Variants in NAV2 observed in about 807,000 individuals in gnomAD.
NAV2 encodes the protein helicase, APC down-regulated 1.
NAV2 carries 54 observed loss-of-function variants against 223.2 expected under a neutral mutation model. That is an observed-to-expected ratio of 0.24 (90% CI 0.19 to 0.30). The LOEUF is 0.30. NAV2 is among the 10% of genes least tolerant of loss of function. The pLI, the probability that NAV2 is intolerant of heterozygous loss-of-function variation, is 1.00. For synonymous variants in NAV2, 1,279 were observed against 1,239.3 expected (o/e 1.03, Z -0.67); for missense variants, 2,806 against 3,147.5 (o/e 0.89, Z 2.60).
chr11:19,509,337 A>G (rs1311118397), intron 1 of NAV2, among the ~76,000 whole-genome samples: 1 of 152,128 alleles, frequency 6.6e-6, no homozygotes, highest in Admixed American at 6.5e-5. Context: ...CTTGGACAGG[A>G]ACTACGTCAT....
At position 20,043,962 on chromosome 11, in the gene NAV2, A is replaced by G; in HGVS notation, c.2908-19A>G. 2 of 1,604,812 alleles carry G rather than the reference A, an allele frequency of 1.2e-6. No homozygotes were observed. The highest frequency in any genetic ancestry group is 1.1e-5 in the South Asian group (1 of 90,882). ...CCTGGGACTGGGGAAGGACTAATTC[A>G]GAGAGTCTCTGTCCACAGACTGATG... On this transcript the variant is annotated intron_variant, in intron 12 of 37. Transcript: ENST00000349880.
chr11:20,103,192 C>A (rs113400765), intron 32 of NAV2, 63 bp from the exon 33 acceptor site: 1 of 1,517,424 alleles, frequency 6.6e-7, no homozygotes, highest in Non-Finnish European at 9.0e-7. Flanking sequence ...AGGCCCTGAG[C>A]GGTGTGTCTT....
chr11:20,074,703 C>CT (rs1277568450), intron 22 of NAV2, among the ~76,000 whole-genome samples: 1 of 142,494 alleles, frequency 7.0e-6, no homozygotes, highest in Non-Finnish European at 1.5e-5. Flanking sequence ...TTCTTTGTAT[C>CT]TTTTTATCTT....
chr11:20,091,933 T>C (rs1472371132), intron 27 of NAV2, among the ~76,000 whole-genome samples: 1 of 152,140 alleles, frequency 6.6e-6, no homozygotes, highest in African/African-American at 2.4e-5. Flanking sequence ...ATCATAAGAC[T>C]CTTTTTCACT....
At chr11:19,625,409 G>T (rs1173515888) in intron 1 of NAV2, among the ~76,000 whole-genome samples, 1 of 152,168 alleles carries the variant, frequency 6.6e-6, no homozygotes, top group Non-Finnish European at 1.5e-5. Flanking sequence ...TGGCTGAATA[G>T]TATTCCATGT....
At chr11:19,492,003 G>A (rs2042645578) in intron 1 of NAV2, among the ~76,000 whole-genome samples, 1 of 151,848 alleles carries the variant, frequency 6.6e-6, no homozygotes, top group Admixed American at 6.6e-5. Flanking sequence ...GATGGGGAAA[G>A]AGCCATTCAA....
rs570450065 is a variant in NAV2, at chr11:19,876,545, G to A, written c.512-3324G>A. Among the ~76,000 whole-genome samples, 8 of 152,210 alleles carry A rather than the reference G, an allele frequency of 5.3e-5. No homozygotes were observed. In the South Asian group the frequency reaches 1.5e-3, roughly 28 times the overall value. ...GTTATAAAAATGCTGCCTCCTAAGA[G>A]GAAATATATTTATTGGAGGAGCACT... On this transcript the variant is annotated intron_variant, in intron 4 of 37. Transcript: ENST00000349880.
chr11:19,868,810 G>A (rs1479763876), intron 3 of NAV2, 115 bp from the exon 4 acceptor site: 2 of 897,194 alleles, frequency 2.2e-6, no homozygotes, highest in Non-Finnish European at 3.5e-6. Context: ...TCCTATCTTG[G>A]CGTTCGTTCA....
At chr11:19,811,874 G>A (rs1432741468) in intron 1 of NAV2, among the ~76,000 whole-genome samples, 2 of 152,152 alleles carry the variant, frequency 1.3e-5, no homozygotes, top group African/African-American at 2.4e-5. Flanking sequence ...TATGTGCTAT[G>A]CCCTGGTCTA....
intron 1 of NAV2, among the ~76,000 whole-genome samples, chr11:19,635,550 G>T (rs1469879331): frequency 6.6e-6 from 1 of 152,174 alleles, no homozygotes; most frequent in East Asian, 1.9e-4. Context: ...TCTGGTAAGG[G>T]TTTCATACTG....
chr11:19,726,359 C>T (rs967368967), intron 1 of NAV2, among the ~76,000 whole-genome samples: 3 of 152,200 alleles, frequency 2.0e-5, no homozygotes, highest in Non-Finnish European at 4.4e-5. Context: ...TTCCTATTGA[C>T]TCTGGAACCT....
intron 1 of NAV2, among the ~76,000 whole-genome samples, chr11:19,376,586 G>T (rs2133894342): frequency 6.6e-6 from 1 of 152,230 alleles, no homozygotes; most frequent in East Asian, 1.9e-4. Context: ...AAACAGCCTT[G>T]TTCATTCATT....
intron 1 of NAV2, among the ~76,000 whole-genome samples, chr11:19,377,540 G>GA (rs767289413): frequency 1.3e-5 from 2 of 152,182 alleles, no homozygotes; most frequent in African/African-American, 4.8e-5. Flanking sequence ...CTCCTTGGGG[G>GA]AGAGACTGCA....
chr11:19,801,634 T>C (rs1327107326), intron 1 of NAV2, among the ~76,000 whole-genome samples: 1 of 152,202 alleles, frequency 6.6e-6, no homozygotes, highest in Non-Finnish European at 1.5e-5. Context: ...CATTGGGGAC[T>C]ACTTTCGGAG....
At chr11:19,392,036 G>T (rs961672226) in intron 1 of NAV2, among the ~76,000 whole-genome samples, 1 of 152,138 alleles carries the variant, frequency 6.6e-6, no homozygotes, top group Non-Finnish European at 1.5e-5. Flanking sequence ...TGACTAGAAG[G>T]CCTAGAGAAT....
chr11:20,024,479 A>G (rs1284636359), intron 11 of NAV2, among the ~76,000 whole-genome samples: 1 of 142,122 alleles, frequency 7.0e-6, no homozygotes, highest in Non-Finnish European at 1.6e-5. Flanking sequence ...GAATGTATGG[A>G]GTCTTGGAGG....
At chr11:19,625,645 G>A (rs2047147722) in intron 1 of NAV2, among the ~76,000 whole-genome samples, 1 of 152,108 alleles carries the variant, frequency 6.6e-6, no homozygotes, top group Admixed American at 6.5e-5. Flanking sequence ...CATAGCAGCT[G>A]TACTAGTTTT....
At chr11:19,873,003 C>G (rs538919982) in intron 4 of NAV2, among the ~76,000 whole-genome samples, 381 of 152,320 alleles carry the variant, frequency 2.5e-3, no homozygotes, top group African/African-American at 8.9e-3. Context: ...CCTGTCACAG[C>G]CATCTGTAAA....
intron 1 of NAV2, among the ~76,000 whole-genome samples, chr11:19,356,687 G>A (rs539951067): frequency 2.9e-4 from 44 of 152,158 alleles, no homozygotes; most frequent in Non-Finnish European, 4.7e-4. Context: ...CTGCAGCTGG[G>A]ATGGATGCTG....
Sources: allele counts gnomAD v4.1 joint callset (sites outside exome capture counted in the v4.1 genomes callset), GRCh38; gene constraint gnomAD v4.1.1; transcripts MANE v1.5; gene names NCBI Gene and HGNC (gene_info 2026-07-23, HGNC 2026-07-21).